Variants in SARM1 observed in about 807,000 individuals in gnomAD.
SARM1 encodes NAD(+) hydrolase SARM1.
Under a neutral mutation model 65.1 loss-of-function variants are expected in SARM1, and 60 were observed. The observed-to-expected ratio is 0.92, with a 90% CI of 0.75 to 1.14. The LOEUF (loss-of-function observed/expected upper bound fraction) is 1.14, where lower values mean the gene tolerates loss of function less well. SARM1 is among the 50% of genes most tolerant of loss of function. The probability of loss-of-function intolerance (pLI) is 0.00; values close to 1 mark genes in which losing one functional copy is unlikely to be tolerated. For missense variants in SARM1, 913 were observed against 1,015.7 expected, an observed-to-expected ratio of 0.90 and a Z score of 1.37; for synonymous variants, 417 against 465.4, an observed-to-expected ratio of 0.90 and a Z score of 1.34.
chr17:28,399,186 A>C lies in SARM1; in HGVS notation c.*2900A>C. ...CCTCTTACCTCCCTCCCTCCTTCCC[A>C]AGGCTGGCACTAACCAGGTACCACA... On this transcript the variant is annotated 3_prime_UTR_variant, in exon 9 of 9. Coordinates refer to ENST00000585482, the MANE Select transcript of SARM1 (RefSeq NM_015077.4). 1 of 160,144 alleles carries C rather than the reference A, an allele frequency of 6.2e-6. No individual in the cohort carries two copies. The highest frequency in any genetic ancestry group is 1.4e-5 in the Non-Finnish European group (1 of 72,608). The allele number at this position is 160,144 out of a possible 1,614,324, so 9.9% of individuals were successfully genotyped here.
chr17:28,400,437 A>G lies in SARM1; in HGVS notation c.*4151A>G. On this transcript the variant is annotated 3_prime_UTR_variant, in exon 9 of 9. Transcript: ENST00000585482. ...CTAGCTCGCCATCTCGCCCTTGGAAAATGGCTCCTGGAGGATTAGGCAGCC... is the reference window on the plus strand; with the variant it reads ...CTAGCTCGCCATCTCGCCCTTGGAAGATGGCTCCTGGAGGATTAGGCAGCC... The G allele has an allele frequency of 1.3e-6, 1 of 779,646 alleles. No homozygotes were observed. The highest frequency in any genetic ancestry group is 2.0e-6 in the Non-Finnish European group (1 of 500,422). The allele number at this position is 779,646 out of a possible 1,614,324, so 48.3% of individuals were successfully genotyped here.
At chr17:28,376,333 C>A (rs922134350) in intron 1 of SARM1, among the ~76,000 whole-genome samples, 7 of 137,976 alleles carry the variant, frequency 5.1e-5, no homozygotes, top group African/African-American at 1.7e-4. Context: ...CCAAGGCAGG[C>A]GAATCGTTTG....
In SARM1 at chr17:28,384,618, T is replaced by C; in HGVS notation, c.1302+49T>C. The C allele has an allele frequency of 6.7e-7, 1 of 1,497,158 alleles. No individual in the cohort carries two copies. The highest frequency in any genetic ancestry group is 9.0e-7 in the Non-Finnish European group (1 of 1,109,728). The allele number at this position is 1,497,158 out of a possible 1,614,324, so 92.7% of individuals were successfully genotyped here. On this transcript the variant is annotated intron_variant, in intron 3 of 8. Transcript: ENST00000585482. The surrounding 1 kb of genome is among the most constrained non-coding windows in gnomAD (Gnocchi z 4.4). ...CCCCCGAGTCAGAGCGGGCGCCCTGTGCACAGGGACTGCGTTCCCTCCCCG... is the reference window on the plus strand; with the variant it reads ...CCCCCGAGTCAGAGCGGGCGCCCTGCGCACAGGGACTGCGTTCCCTCCCCG...
In SARM1 at chr17:28,398,043, T is replaced by C. The variant is rs1472804396; in HGVS notation, c.*1757T>C. On this transcript the variant is annotated 3_prime_UTR_variant, in exon 9 of 9. Coordinates refer to ENST00000585482, the MANE Select transcript of SARM1 (RefSeq NM_015077.4). Reference sequence around the variant, plus strand: ...GTTTTGACCCCACCTGATCCTCCTTTCCTCATGCAGCACAAGTGCTCACCG... The same window carrying C: ...GTTTTGACCCCACCTGATCCTCCTTCCCTCATGCAGCACAAGTGCTCACCG... The C allele has an allele frequency of 6.6e-6, 1 of 152,464 alleles. No individual in the cohort carries two copies. Among genetic ancestry groups the C allele is most frequent in the Non-Finnish European group, 1.5e-5 (1 of 68,268 alleles). The allele number at this position is 152,464 out of a possible 1,614,324, so 9.4% of individuals were successfully genotyped here.
At position 28,402,549 on chromosome 17, in the gene SARM1, T is replaced by C. The variant is rs2068210307; in HGVS notation, c.*6263T>C. On this transcript the variant is annotated 3_prime_UTR_variant, in exon 9 of 9. Transcript: ENST00000585482. Reference sequence around the variant, plus strand: ...ATGAATGAATGCTAATTCCCATTGATTGCTTTCTTGTCTGAACCTCTTGTG... The same window carrying C: ...ATGAATGAATGCTAATTCCCATTGACTGCTTTCTTGTCTGAACCTCTTGTG... 4.6e-6 allele frequency: 2 copies of C among 439,394 alleles called. No homozygotes were observed. Among genetic ancestry groups the C allele is most frequent in the Non-Finnish European group, 8.4e-6 (2 of 237,700 alleles). 27.2% of individuals were successfully genotyped at this position (439,394 alleles called of 1,614,324 possible).
chr17:28,390,094 A>T (rs1388858142), intron 7 of SARM1, among the ~76,000 whole-genome samples: 2 of 152,212 alleles, frequency 1.3e-5, no homozygotes, highest in Non-Finnish European at 2.9e-5. Flanking sequence ...TTTGGGAGAC[A>T]CGAGACATCA....
Position 28,385,124 on chromosome 17 carries a change from C to T in SARM1, c.1479C>T (p.Ser493=). 1 of 1,613,642 alleles carries T rather than the reference C, an allele frequency of 6.2e-7. No individual in the cohort carries two copies. Residue 493 remains serine, a synonymous_variant, in exon 5 of 9, where the codon AGC becomes AGT. Coordinates refer to ENST00000585482, the MANE Select transcript of SARM1 (RefSeq NM_015077.4). The surrounding 1 kb of genome is among the most constrained non-coding windows in gnomAD (Gnocchi z 4.5). ...GCAACCTGGCGGACTGGCTGGGCAG[C>T]CTGGACCCGCGCTTCCGCCAGTACA... ...DRSNLADWLG[S]LDPRFRQYTY...
chr17:28,372,578 G>C lies in SARM1; in HGVS notation c.470+76G>C. ...AAGCGCCTGCGTTCCCGTGTGCCTT[G>C]CGCCGTGCCTTTGCCTCCCTCACCT... On this transcript the variant is annotated intron_variant, in intron 1 of 8. Coordinates refer to ENST00000585482, the MANE Select transcript of SARM1 (RefSeq NM_015077.4). The surrounding 1 kb of genome is among the most constrained non-coding windows in gnomAD (Gnocchi z 5.2). The C allele has an allele frequency of 8.3e-7, 1 of 1,204,998 alleles. No individual in the cohort carries two copies. Among genetic ancestry groups the C allele is most frequent in the African/African-American group, 1.6e-5 (1 of 62,980 alleles). 74.6% of individuals were successfully genotyped at this position (1,204,998 alleles called of 1,614,324 possible).
chr17:28,372,361 G>A lies in SARM1; in HGVS notation c.329G>A (p.Arg110His). The A allele has an allele frequency of 2.0e-6, 3 of 1,505,456 alleles. No homozygotes were observed. Among genetic ancestry groups the A allele is most frequent in the Non-Finnish European group, 1.8e-6 (2 of 1,133,258 alleles). The allele number at this position is 1,505,456 out of a possible 1,614,324, so 93.3% of individuals were successfully genotyped here. The change falls in exon 1 of 9, where the codon CGC becomes CAC. Residue 110 changes from arginine to histidine, a missense_variant. Coordinates refer to ENST00000585482, the MANE Select transcript of SARM1 (RefSeq NM_015077.4). The surrounding 1 kb of genome is among the most constrained non-coding windows in gnomAD (Gnocchi z 5.2). ...EEAWLLPAVG[R>H]EVAQGLCDAI... Reference sequence around the variant, plus strand: ...GCCTGGCTGCTGCCGGCCGTGGGCCGCGAGGTAGCCCAGGGTCTGTGCGAC... The same window carrying A: ...GCCTGGCTGCTGCCGGCCGTGGGCCACGAGGTAGCCCAGGGTCTGTGCGAC...
chr17:28,372,231 C>A lies in SARM1; in HGVS notation c.199C>A (p.Arg67Ser). Residue 67 changes from arginine (R) to serine (S), a missense_variant, in exon 1 of 9, where the codon CGC becomes AGC. Arg to Ser is a moderately radical substitution (Grantham distance 110). This residue lies in a region of SARM1 where 862 missense variants were observed against 952.1 expected (regional missense o/e 0.91). Coordinates refer to ENST00000585482, the MANE Select transcript of SARM1 (RefSeq NM_015077.4). This position sits in a 1 kb window ranked among gnomAD's most constrained non-coding sequence, Gnocchi z 5.2. Reference protein sequence around the residue: ...AGTEVQDALERALPELQQALS... With the variant: ...AGTEVQDALESALPELQQALS... ...CACCGAGGTGCAGGACGCCCTGGAG[C>A]GCGCGCTGCCGGAGCTGCAGCAGGC... The A allele has an allele frequency of 1.4e-6, 2 of 1,384,574 alleles. No individual in the cohort carries two copies. Among genetic ancestry groups the A allele is most frequent in the South Asian group, 1.6e-5 (1 of 60,706 alleles). 85.8% of individuals were successfully genotyped at this position (1,384,574 alleles called of 1,614,324 possible). A position where few individuals can be genotyped will look rare whatever the true frequency, so the allele number is the denominator to read the frequency against.
chr17:28,381,698 C>T lies in SARM1; in HGVS notation c.966C>T (p.Arg322=). 1 of 1,559,776 alleles carries T rather than the reference C, an allele frequency of 6.4e-7. No individual in the cohort carries two copies. The highest frequency in any genetic ancestry group is 2.4e-5 in the East Asian group (1 of 41,974). ...ACGCCAGCGACACAAGCCAGGGCCG[C>T]GGGCCCGACGACCTGCAGCGCCTCG... ...LVDASDTSQG[R]GPDDLQRLVP... is the part of the protein sequence containing the mutation. The change falls in exon 2 of 9, where the codon CGC becomes CGT. Residue 322 remains arginine, a synonymous_variant. Coordinates refer to ENST00000585482, the MANE Select transcript of SARM1 (RefSeq NM_015077.4).
Position 28,384,610 on chromosome 17 carries a change from G to T in SARM1, c.1302+41G>T, listed in dbSNP as rs781996052. On this transcript the variant is annotated intron_variant, in intron 3 of 8. Transcript: ENST00000585482. This position sits in a 1 kb window ranked among gnomAD's most constrained non-coding sequence, Gnocchi z 4.4. ...ATACGCCTCCCCCGAGTCAGAGCGG[G>T]CGCCCTGTGCACAGGGACTGCGTTC... 12 of 1,521,876 alleles carry T rather than the reference G, an allele frequency of 7.9e-6. No individual in the cohort carries two copies. Among genetic ancestry groups the T allele is most frequent in the Non-Finnish European group, 9.8e-6 (11 of 1,127,124 alleles). 94.3% of individuals were successfully genotyped at this position (1,521,876 alleles called of 1,614,324 possible). A position where few individuals can be genotyped will look rare whatever the true frequency, so the allele number is the denominator to read the frequency against.
chr17:28,386,142 A>C (rs2068049297), intron 5 of SARM1, among the ~76,000 whole-genome samples: 1 of 152,076 alleles, frequency 6.6e-6, no homozygotes, highest in South Asian at 2.1e-4. Flanking sequence ...AAAAGCACAA[A>C]AAAATACAAA....
At position 28,385,142 on chromosome 17, in the gene SARM1, C is replaced by G; in HGVS notation, c.1497C>G (p.Arg499=). The G allele has an allele frequency of 6.2e-7, 1 of 1,613,442 alleles. No individual in the cohort carries two copies. Among genetic ancestry groups the G allele is most frequent in the Non-Finnish European group, 8.5e-7 (1 of 1,179,834 alleles). Residue 499 remains arginine (R), a synonymous_variant, in exon 5 of 9, where the codon CGC becomes CGG. Transcript: ENST00000585482. The surrounding 1 kb of genome is among the most constrained non-coding windows in gnomAD (Gnocchi z 4.5). ...DWLGSLDPRF[R]QYTYGLVSCG... ...TGGGCAGCCTGGACCCGCGCTTCCGCCAGTACACCTACGGCCTGGTCAGCT... is the reference window on the plus strand; with the variant it reads ...TGGGCAGCCTGGACCCGCGCTTCCGGCAGTACACCTACGGCCTGGTCAGCT...
intron 7 of SARM1, among the ~76,000 whole-genome samples, chr17:28,392,539 C>A (rs2068085892): frequency 6.6e-6 from 1 of 152,174 alleles, no homozygotes. Flanking sequence ...GCTGCAGGCT[C>A]AGGATTCATT....
rs2068038246 is a variant in SARM1 at position 28,384,257 on chromosome 17, A to G, written c.1090-100A>G. ...AGGTGGGGCCAGGGCAGATGGAGAG[A>G]CTTTGGGTTGTGAGAAGAGACAAGG... On this transcript the variant is annotated intron_variant, in intron 2 of 8. Transcript: ENST00000585482. This position sits in a 1 kb window ranked among gnomAD's most constrained non-coding sequence, Gnocchi z 4.4. The G allele has an allele frequency of 7.1e-6, 7 of 982,282 alleles. No individual in the cohort carries two copies. Among genetic ancestry groups the G allele is most frequent in the Admixed American group, 2.8e-5 (1 of 35,874 alleles). 60.8% of individuals were successfully genotyped at this position (982,282 alleles called of 1,614,324 possible).
chr17:28,371,843 C>A lies in SARM1; in HGVS notation c.-190C>A, dbSNP rs1052238827. ...CTGGGCCTGCATCACCTTTGCCAAC[C>A]GCTCCCCCGATCCTGCCGACACTCC... On this transcript the variant is annotated 5_prime_UTR_variant, in exon 1 of 9. Transcript: ENST00000585482. The A allele has an allele frequency of 6.5e-6, 3 of 462,346 alleles. No individual in the cohort carries two copies. The highest frequency in any genetic ancestry group is 7.3e-5 in the South Asian group (2 of 27,570). The allele number at this position is 462,346 out of a possible 1,614,324, so 28.6% of individuals were successfully genotyped here. A position where few individuals can be genotyped will look rare whatever the true frequency, so the allele number is the denominator to read the frequency against.
Position 28,371,901 on chromosome 17 carries a change from GTACCCTTCTC to G in SARM1, c.-130_-121del. 1 of 620,658 alleles carries G rather than the reference GTACCCTTCTC, an allele frequency of 1.6e-6. No individual in the cohort carries two copies. The highest frequency in any genetic ancestry group is 2.5e-6 in the Non-Finnish European group (1 of 397,752). The allele number at this position is 620,658 out of a possible 1,614,324, so 38.4% of individuals were successfully genotyped here. On this transcript the variant is annotated 5_prime_UTR_variant, in exon 1 of 9. Transcript: ENST00000585482. ...AACTTCTGACCGGCACCCTTGCCTG[GTACCCTTCTC>G]TCCATTCCTCCCCCTCCATCTTCTT...
At chr17:28,389,063 C>G (rs1372667064) in intron 7 of SARM1, among the ~76,000 whole-genome samples, 1 of 152,084 alleles carries the variant, frequency 6.6e-6, no homozygotes, top group Non-Finnish European at 1.5e-5. Context: ...TTGTGAGGAT[C>G]AGAGAGACAT....
Sources: allele counts gnomAD v4.1 joint callset (sites outside exome capture counted in the v4.1 genomes callset), GRCh38; gene constraint gnomAD v4.1.1; regional missense constraint gnomAD v4.1.1; non-coding constraint Gnocchi (gnomAD v3.1); transcripts MANE v1.5; gene names NCBI Gene and HGNC (gene_info 2026-07-23, HGNC 2026-07-21).